Variants in DCHS2 observed in about 807,000 individuals in gnomAD.
The protein encoded by DCHS2 is protocadherin-23.
DCHS2 carries 142 observed loss-of-function variants against 182.4 expected under a neutral mutation model. The ratio of observed to expected loss-of-function variants is 0.78; its 90% confidence interval spans 0.68 to 0.89. The LOEUF is 0.89. Ranked by LOEUF, DCHS2 falls within the 40% of genes least tolerant of loss-of-function variation. The pLI, the probability that DCHS2 is intolerant of heterozygous loss-of-function variation, is 0.00. For synonymous variants in DCHS2, 1,740 were observed against 1,663.3 expected (o/e 1.05, Z -1.12); for missense variants, 4,319 against 4,198.6 (o/e 1.03, Z -0.79).
intron 1 of DCHS2, among the ~76,000 whole-genome samples, chr4:154,457,817 G>A (rs1560771045): frequency 6.6e-6 from 1 of 152,064 alleles, no homozygotes; most frequent in African/African-American, 2.4e-5. Context: ...ACACCTGGGG[G>A]GAGCACGAGA....
At chr4:154,334,307 G>A (rs916432089) in intron 4 of DCHS2, 1 of 153,212 alleles carries the variant, frequency 6.5e-6, no homozygotes, top group East Asian at 1.9e-4. Flanking sequence ...ATCCTGCAGA[G>A]GTTCCTCTAC....
intron 10 of DCHS2, 51 bp from the exon 11 acceptor site, chr4:154,305,282 T>G: frequency 6.4e-7 from 1 of 1,562,776 alleles, no homozygotes; most frequent in Non-Finnish European, 8.6e-7. Flanking sequence ...TGAAATACAT[T>G]TATCCACTTT....
At chr4:154,301,103 T>G (rs1377837962) in intron 12 of DCHS2, among the ~76,000 whole-genome samples, 1 of 152,184 alleles carries the variant, frequency 6.6e-6, no homozygotes, top group East Asian at 1.9e-4. Flanking sequence ...TAAGCACTCT[T>G]CTTGCAAATT....
At chr4:154,346,850 T>C (rs1208246693) in intron 3 of DCHS2, among the ~76,000 whole-genome samples, 1 of 151,934 alleles carries the variant, frequency 6.6e-6, no homozygotes, top group Non-Finnish European at 1.5e-5. Context: ...ATGTGGAGTG[T>C]TTACCATAAC....
intron 16 of DCHS2, among the ~76,000 whole-genome samples, chr4:154,254,524 G>A (rs1235287016): frequency 6.6e-6 from 1 of 152,140 alleles, no homozygotes; most frequent in African/African-American, 2.4e-5. Context: ...CCCACTCATG[G>A]ATATTTTAGA....
chr4:154,235,141 C>A lies in DCHS2; in HGVS notation c.9511G>T (p.Glu3171Ter). 1 of 1,613,972 alleles carries A rather than the reference C, an allele frequency of 6.2e-7. No homozygotes were observed. The highest frequency in any genetic ancestry group is 8.5e-7 in the Non-Finnish European group (1 of 1,179,944). The part of the protein sequence containing the change: ...SQTFGEGDQG[E>*]GCSTTCAQNN... ...TGAGCACAGGTGGTGCTGCAGCCTT[C>A]CCCTTGATCTCCTTCCCCAAATGTT... Residue 3171 changes from glutamate (E) to a stop codon, truncating the protein, a stop_gained, in exon 20 of 20, where the codon GAA becomes TAA. Coordinates refer to ENST00000357232, the MANE Select transcript of DCHS2 (RefSeq NM_001358235.2). LOFTEE classifies it low-confidence loss of function (END_TRUNC).
In DCHS2 at chr4:154,474,695, C is replaced by T. The variant is rs536053530; in HGVS notation, c.2052+14609G>A. ...GATCCCGGGCCAAGCCTCTTGGCCA[C>T]TTACTAGTGGAGAATTTTGGACAGG... is the stretch of plus-strand genomic sequence containing the variant. On this transcript the variant is annotated intron_variant, in intron 1 of 19. Transcript: ENST00000357232. Among the ~76,000 whole-genome samples, 5 of 22,936 alleles carry T rather than the reference C, an allele frequency of 2.2e-4. No homozygotes were observed. In the East Asian group the frequency reaches 0.36, roughly 1,638 times the overall value. The allele number at this position is 22,936 out of a possible 152,430, so 15.0% of individuals were successfully genotyped here.
intron 3 of DCHS2, among the ~76,000 whole-genome samples, chr4:154,353,454 C>T (rs956661215): frequency 1.3e-5 from 2 of 152,072 alleles, no homozygotes; most frequent in African/African-American, 4.8e-5. Flanking sequence ...ATAAATCCAA[C>T]CATATGTTGT....
intron 13 of DCHS2, among the ~76,000 whole-genome samples, chr4:154,274,170 T>G (rs999548417): frequency 2.0e-5 from 3 of 152,188 alleles, no homozygotes; most frequent in African/African-American, 7.2e-5. Context: ...GGCTTCAGGA[T>G]GCTGAAGATT....
chr4:154,345,197 G>C (rs1181378971), intron 3 of DCHS2, among the ~76,000 whole-genome samples: 2 of 152,222 alleles, frequency 1.3e-5, no homozygotes, highest in African/African-American at 4.8e-5. Flanking sequence ...CTAATGCTAA[G>C]TTTTGATGAC....
At chr4:154,308,114 T>C (rs966675815) in intron 10 of DCHS2, among the ~76,000 whole-genome samples, 16 of 152,132 alleles carry the variant, frequency 1.1e-4, no homozygotes, top group Non-Finnish European at 2.2e-4. Flanking sequence ...ATATTCAGTC[T>C]GCAGCTAGCT....
chr4:154,254,263 C>T (rs753271456), intron 16 of DCHS2, among the ~76,000 whole-genome samples: 1 of 152,146 alleles, frequency 6.6e-6, no homozygotes, highest in Non-Finnish European at 1.5e-5. Context: ...ACTGCTTCTC[C>T]AGAGACAAAT....
intron 1 of DCHS2, among the ~76,000 whole-genome samples, chr4:154,466,735 T>C (rs372292672): frequency 1.3e-5 from 2 of 152,222 alleles, no homozygotes; most frequent in East Asian, 1.9e-4. Context: ...TCAATATTTT[T>C]ATTAATCAAA....
chr4:154,320,369 G>A lies in DCHS2; in HGVS notation c.5020+10C>T. ...AAATATTTTTAAAAGTGACATATAG[G>A]GCACTGTACCTGATGACTCATCTAG... is the stretch of plus-strand genomic sequence containing the variant. On this transcript the variant is annotated intron_variant, in intron 9 of 19. Transcript: ENST00000357232. The A allele has an allele frequency of 6.2e-7, 1 of 1,607,010 alleles. No individual in the cohort carries two copies. The highest frequency in any genetic ancestry group is 1.7e-5 in the Admixed American group (1 of 59,056).
At chr4:154,486,719 A>G (rs1032491233) in intron 1 of DCHS2, among the ~76,000 whole-genome samples, 10 of 152,208 alleles carry the variant, frequency 6.6e-5, no homozygotes, top group African/African-American at 2.2e-4. Flanking sequence ...TTTGAATCTC[A>G]TATGGAAATT....
intron 1 of DCHS2, among the ~76,000 whole-genome samples, chr4:154,379,919 C>A (rs1341650117): frequency 1.3e-5 from 2 of 152,006 alleles, no homozygotes; most frequent in Non-Finnish European, 2.9e-5. Flanking sequence ...AGTTTGCCCC[C>A]CAAGAAGACA....
chr4:154,290,590 A>G (rs749636294), intron 13 of DCHS2, among the ~76,000 whole-genome samples: 19 of 152,054 alleles, frequency 1.2e-4, no homozygotes, highest in Non-Finnish European at 2.1e-4. Context: ...AAAAACAAAC[A>G]TATAAACCAA....
At chr4:154,477,716 T>C (rs979059091) in intron 1 of DCHS2, among the ~76,000 whole-genome samples, 5 of 152,220 alleles carry the variant, frequency 3.3e-5, no homozygotes, top group Non-Finnish European at 5.9e-5. Flanking sequence ...TCCCAGAGCA[T>C]TGACTCTCAA....
At chr4:154,288,794 A>G (rs1371501767) in intron 13 of DCHS2, among the ~76,000 whole-genome samples, 1 of 152,176 alleles carries the variant, frequency 6.6e-6, no homozygotes, top group African/African-American at 2.4e-5. Context: ...ATACAGACAC[A>G]TGAAAATTAA....
Sources: gnomAD v4.1 joint callset for allele counts (sites outside exome capture counted in the v4.1 genomes callset) on GRCh38, gnomAD v4.1.1 for gene constraint, MANE v1.5 for transcripts, NCBI Gene and HGNC (gene_info 2026-07-23, HGNC 2026-07-21) for gene names.